Variants in KRT5 observed in about 807,000 individuals in gnomAD.
KRT5 encodes keratin 5, also known as keratin, type II cytoskeletal 5.
KRT5 carries 17 observed loss-of-function variants against 44.0 expected under a neutral mutation model. The ratio of observed to expected loss-of-function variants is 0.39; its 90% confidence interval spans 0.26 to 0.58. The LOEUF (loss-of-function observed/expected upper bound fraction) is 0.58. Ranked by LOEUF, KRT5 falls within the 20% of genes least tolerant of loss-of-function variation. The probability of loss-of-function intolerance (pLI) is 0.61; values close to 1 mark genes in which losing one functional copy is unlikely to be tolerated. For missense variants in KRT5, 737 were observed against 785.5 expected, an observed-to-expected ratio of 0.94 and a Z score of 0.74; for synonymous variants, 329 against 312.8, an observed-to-expected ratio of 1.05 and a Z score of -0.55.
chr12:52,519,222 C>T, intron 1 of KRT5, 62 bp from the exon 2 acceptor site: 1 of 1,602,890 alleles, frequency 6.2e-7, no homozygotes, highest in Non-Finnish European at 8.5e-7. Flanking sequence ...GATCAACTCA[C>T]TAAGGTGCCT....
rs1268271567 is a variant in KRT5 at position 52,518,170 on chromosome 12, G to A, written c.771-7C>T. On this transcript the variant is annotated splice_region_variant and splice_polypyrimidine_tract_variant and intron_variant, in intron 2 of 8. Transcript: ENST00000252242. The stretch of plus-strand genomic sequence containing the variant: ...GTTGATTTCATCCTCATACCTGGTG[G>A]TGAAAGGGATGGGAAGTGTTTGTCA... 1.2e-6 allele frequency: 2 copies of A among 1,613,882 alleles called. No homozygotes were observed. The highest frequency in any genetic ancestry group is 1.3e-5 in the African/African-American group (1 of 75,046).
chr12:52,516,774 C>T lies in KRT5; in HGVS notation c.1302G>A (p.Glu434=), dbSNP rs778361402. The T allele has an allele frequency of 6.2e-7, 1 of 1,614,206 alleles. No individual in the cohort carries two copies. Among genetic ancestry groups the T allele is most frequent in the Non-Finnish European group, 8.5e-7 (1 of 1,180,038 alleles). The change falls in exon 7 of 9, where the codon GAG becomes GAA. Residue 434 remains glutamate (E), a synonymous_variant. Coordinates refer to ENST00000252242, the MANE Select transcript of KRT5 (RefSeq NM_000424.4). The part of the protein sequence containing the change: ...ALKDARNKLA[E]LEEALQKAKQ... ...TGGCCTTCTGCAGGGCCTCCTCCAGCTCGGCCAGCTTGTTCCTGGCATCCT... is the reference window on the plus strand; with the variant it reads ...TGGCCTTCTGCAGGGCCTCCTCCAGTTCGGCCAGCTTGTTCCTGGCATCCT...
In KRT5 at chr12:52,515,157, G is replaced by T; in HGVS notation, c.1558C>A (p.Leu520Ile). The change falls in exon 9 of 9, where the codon CTC becomes ATC. Residue 520 changes from leucine to isoleucine, a missense_variant. By Grantham distance (5) the Leu-to-Ile change is conservative. Coordinates refer to ENST00000252242, the MANE Select transcript of KRT5 (RefSeq NM_000424.4). ...GGLGGGLGGG[L>I]GGGLAGGSSG... ...CTACCTCCGGCAAGACCTCCACCGA[G>T]GCCGCCGCCAAGACCTCCACCGAGG... 1 of 1,610,542 alleles carries T rather than the reference G, an allele frequency of 6.2e-7. No individual in the cohort carries two copies. Among genetic ancestry groups the T allele is most frequent in the Admixed American group, 1.7e-5 (1 of 59,724 alleles).
chr12:52,515,301 A>G, intron 8 of KRT5, 61 bp from the exon 9 acceptor site: 3 of 1,599,348 alleles, frequency 1.9e-6, no homozygotes, highest in Admixed American at 1.7e-5. Context: ...TGCATGGCCC[A>G]TTTATTTGAT....
At chr12:52,519,534 C>T (rs1938675223) in intron 1 of KRT5, 2 of 674,822 alleles carry the variant, frequency 3.0e-6, no homozygotes, top group South Asian at 3.5e-5. Context: ...TGTGAGCTAA[C>T]CTCTGAATGG....
rs1189780175 is a variant in KRT5 at position 52,518,939 on chromosome 12, A to C, written c.770+7T>G. On this transcript the variant is annotated splice_region_variant and intron_variant, in intron 2 of 8. Coordinates refer to ENST00000252242, the MANE Select transcript of KRT5 (RefSeq NM_000424.4). Reference sequence around the variant, plus strand: ...CTCCCCTGTGTCCACCCTCCACCCCAACTCACTTGTTCTTGAAGTCTTCCA... The same window carrying C: ...CTCCCCTGTGTCCACCCTCCACCCCCACTCACTTGTTCTTGAAGTCTTCCA... The C allele has an allele frequency of 2.5e-6, 4 of 1,614,088 alleles. No homozygotes were observed. The Admixed American group carries it at 6.7e-5, about 27-fold the overall frequency.
At position 52,520,189 on chromosome 12, in the gene KRT5, G is replaced by A; in HGVS notation, c.108C>T (p.Ser36=). The change falls in exon 1 of 9, where the codon TCC becomes TCT. Residue 36 remains serine (S), a synonymous_variant. Coordinates refer to ENST00000252242, the MANE Select transcript of KRT5 (RefSeq NM_000424.4). ...SVSRTSFTSV[S]RSGGGGGGGF... is the part of the protein sequence containing the mutation. ...CACCACCACCGCCACCCCCGGACCGGGACACGGAGGTGAAGCTGGTGCGGG... is the reference window on the plus strand; with the variant it reads ...CACCACCACCGCCACCCCCGGACCGAGACACGGAGGTGAAGCTGGTGCGGG... 2 of 1,614,044 alleles carry A rather than the reference G, an allele frequency of 1.2e-6. No individual in the cohort carries two copies. The highest frequency in any genetic ancestry group is 2.2e-5 in the East Asian group (1 of 44,874).
chr12:52,516,495 T>C (rs1938611705), intron 7 of KRT5, 142 bp downstream of exon 7: 5 of 872,320 alleles, frequency 5.7e-6, no homozygotes, highest in Non-Finnish European at 9.3e-6. Context: ...TATATGGCCA[T>C]GAGTCAGACT....
At chr12:52,516,092 T>G (rs1362760074) in intron 7 of KRT5, 3 of 566,916 alleles carry the variant, frequency 5.3e-6, no homozygotes, top group Admixed American at 3.1e-5. Context: ...TATAAGAGAT[T>G]TGGAAAATGT....
Position 52,515,034 on chromosome 12 carries a change from G to A in KRT5, c.1681C>T (p.Leu561=), listed in dbSNP as rs1938582811. Residue 561 remains leucine, a synonymous_variant, in exon 9 of 9, where the codon CTG becomes TTG. Transcript: ENST00000252242. ...CCGCCACTGCCAAAGCCCACCCCCA[G>A]CCCTCGGCCACTGCTTGCACTGAAG... The part of the protein sequence containing the change: ...SGFSASSGRG[L]GVGFGSGGGS... 8.3e-7 allele frequency: 1 copy of A among 1,202,230 alleles called. No homozygotes were observed. The highest frequency in any genetic ancestry group is 1.9e-5 in the Admixed American group (1 of 51,492). 74.5% of individuals were successfully genotyped at this position (1,202,230 alleles called of 1,614,324 possible). A position where few individuals can be genotyped will look rare whatever the true frequency, so the allele number is the denominator to read the frequency against.
At chr12:52,517,294 A>T in intron 5 of KRT5, 62 bp from the exon 6 acceptor site, 1 of 1,599,422 alleles carries the variant, frequency 6.3e-7, no homozygotes, top group South Asian at 1.1e-5. Flanking sequence ...ACTTTCCCAA[A>T]GTTCACAGGC....
chr12:52,519,063 A>C lies in KRT5; in HGVS notation c.653T>G (p.Leu218Trp). The C allele has an allele frequency of 6.2e-7, 1 of 1,614,152 alleles. No homozygotes were observed. Among genetic ancestry groups the C allele is most frequent in the Non-Finnish European group, 8.5e-7 (1 of 1,180,030 alleles). The change falls in exon 2 of 9, where the codon TTG (leucine) becomes TGG (tryptophan). Residue 218 changes from leucine (L) to tryptophan (W), a missense_variant. Coordinates refer to ENST00000252242, the MANE Select transcript of KRT5 (RefSeq NM_000424.4). ...TKTVRQNLEP[L>W]FEQYINNLRR... is the part of the protein sequence containing the mutation. Reference sequence around the variant, plus strand: ...GAGGTTGTTGATGTACTGCTCGAACAACGGCTCCAGGTTCTGCCTCACAGT... The same window carrying C: ...GAGGTTGTTGATGTACTGCTCGAACCACGGCTCCAGGTTCTGCCTCACAGT...
chr12:52,519,493 T>A (rs1938674145), intron 1 of KRT5: 1 of 624,680 alleles, frequency 1.6e-6, no homozygotes, highest in Admixed American at 2.7e-5. Flanking sequence ...ATGAAATTCA[T>A]CTCTCTGTCC....
chr12:52,515,449 G>A (rs964219840), intron 8 of KRT5: 28 of 680,592 alleles, frequency 4.1e-5, no homozygotes, highest in Non-Finnish European at 6.4e-5. Flanking sequence ...GAGGAGCTAG[G>A]TACTGAGGGG....
intron 7 of KRT5, chr12:52,516,348 G>C (rs930674743): frequency 1.1e-5 from 5 of 459,664 alleles, no homozygotes; most frequent in Non-Finnish European, 1.6e-5. Context: ...TATTGAGGTT[G>C]AGCAAAGGAC....
chr12:52,515,358 A>G (rs1938593714), intron 8 of KRT5, 118 bp from the exon 9 acceptor site: 4 of 1,418,034 alleles, frequency 2.8e-6, no homozygotes, highest in East Asian at 4.5e-5. Flanking sequence ...CAGAGTAGCA[A>G]ACAAGGCCCG....
At position 52,520,338 on chromosome 12, in the gene KRT5, G is replaced by C; in HGVS notation, c.-42C>G. ...TGGAGCAAGAGAACCAGGCACTAGT[G>C]GGTTGGGAGGTGCTGGAGAGAACAG... is the stretch of plus-strand genomic sequence containing the variant. On this transcript the variant is annotated 5_prime_UTR_variant, in exon 1 of 9. Transcript: ENST00000252242. The C allele has an allele frequency of 6.3e-7, 1 of 1,590,326 alleles. No homozygotes were observed. Among genetic ancestry groups the C allele is most frequent in the Non-Finnish European group, 8.6e-7 (1 of 1,161,686 alleles).
intron 7 of KRT5, 37 bp downstream of exon 7, chr12:52,516,600 A>G (rs994388812): frequency 6.2e-7 from 1 of 1,602,040 alleles, no homozygotes; most frequent in African/African-American, 1.3e-5. Context: ...TCGCTTTATC[A>G]GCTGAAGGCC....
chr12:52,515,491 G>T lies in KRT5; in HGVS notation c.1475-251C>A, dbSNP rs908170397. 4 of 630,730 alleles carry T rather than the reference G, an allele frequency of 6.3e-6. No homozygotes were observed. The African/African-American group carries it at 7.3e-5, about 12-fold the overall frequency. 39.1% of individuals were successfully genotyped at this position (630,730 alleles called of 1,614,324 possible). A position where few individuals can be genotyped will look rare whatever the true frequency, so the allele number is the denominator to read the frequency against. On this transcript the variant is annotated intron_variant, in intron 8 of 8. Coordinates refer to ENST00000252242, the MANE Select transcript of KRT5 (RefSeq NM_000424.4). ...GTACTACAGGGAGCTAGGTACTGAG[G>T]GGAGCTAGGTACTGAGGGGAGGAGC...
Sources: allele counts gnomAD v4.1 joint callset, GRCh38; gene constraint gnomAD v4.1.1; transcripts MANE v1.5; gene names NCBI Gene and HGNC (gene_info 2026-07-23, HGNC 2026-07-21).